GNAQ: variants seen among roughly 807,000 people sequenced by gnomAD.
GNAQ encodes the protein guanine nucleotide-binding protein G(q) subunit alpha.
Under a neutral mutation model 43.9 loss-of-function variants are expected in GNAQ, and 8 were observed. The ratio of observed to expected loss-of-function variants is 0.18; its 90% CI spans 0.11 to 0.33. The LOEUF is 0.33. Among genes scored for constraint, GNAQ ranks in the 10% least tolerant of loss-of-function variants. GNAQ has a pLI of 1.00. For synonymous variants in GNAQ, 155 were observed against 170.7 expected (o/e 0.91, Z 0.71); for missense variants, 158 against 450.8 (o/e 0.35, Z 5.88).
intron 1 of GNAQ, among the ~76,000 whole-genome samples, chr9:77,980,425 T>A (rs1156846067): frequency 6.6e-6 from 1 of 152,092 alleles, no homozygotes; most frequent in Non-Finnish European, 1.5e-5. Context: ...GTCATAAAAC[T>A]AAAGAAAATA....
At chr9:77,905,386 G>A (rs1244130868) in intron 2 of GNAQ, among the ~76,000 whole-genome samples, 1 of 152,174 alleles carries the variant, frequency 6.6e-6, no homozygotes, top group African/African-American at 2.4e-5. Context: ...CTGGATTAGA[G>A]TCTCTGGTGG....
intron 1 of GNAQ, among the ~76,000 whole-genome samples, chr9:77,948,871 C>G (rs1212947769): frequency 2.0e-5 from 3 of 152,114 alleles, no homozygotes; most frequent in Non-Finnish European, 4.4e-5. Context: ...GCATCTGCCC[C>G]TAGATACTTT....
intron 1 of GNAQ, among the ~76,000 whole-genome samples, chr9:77,997,643 A>T (rs1366323965): frequency 6.6e-6 from 1 of 152,150 alleles, no homozygotes; most frequent in Admixed American, 6.6e-5. Context: ...GGACCCAAGC[A>T]GGAGGCTGCT....
intron 1 of GNAQ, among the ~76,000 whole-genome samples, chr9:77,986,384 T>C (rs1408994418): frequency 6.6e-6 from 1 of 152,076 alleles, no homozygotes; most frequent in Non-Finnish European, 1.5e-5. Flanking sequence ...ACCAAAATAA[T>C]CTCTATAAAA....
chr9:78,028,120 T>A (rs1372455824), intron 1 of GNAQ, among the ~76,000 whole-genome samples: 1 of 152,188 alleles, frequency 6.6e-6, no homozygotes, highest in Non-Finnish European at 1.5e-5. Flanking sequence ...ATAAAAACAT[T>A]AACCAAGTTA....
chr9:77,881,863 C>A (rs1368794676), intron 2 of GNAQ, among the ~76,000 whole-genome samples: 12 of 152,192 alleles, frequency 7.9e-5, no homozygotes, highest in Non-Finnish European at 1.3e-4. Flanking sequence ...ATGGGCCGGG[C>A]ATGGTGGCCT....
chr9:77,761,948 C>A (rs1185912765), intron 5 of GNAQ, among the ~76,000 whole-genome samples: 2 of 22,974 alleles, frequency 8.7e-5, no homozygotes, highest in Admixed American at 4.2e-4. Context: ...GAGGGAGGTG[C>A]GGGGGTCAGC....
chr9:77,779,947 G>A (rs1199854463), intron 5 of GNAQ, among the ~76,000 whole-genome samples: 3 of 151,868 alleles, frequency 2.0e-5, no homozygotes, highest in African/African-American at 7.2e-5. Context: ...ACAGTAAACA[G>A]GCCCAGATGG....
At chr9:77,976,146 T>A (rs896375661) in intron 1 of GNAQ, among the ~76,000 whole-genome samples, 1 of 152,252 alleles carries the variant, frequency 6.6e-6, no homozygotes, top group African/African-American at 2.4e-5. Context: ...TTTTAACTTT[T>A]TGTCTTCCAC....
At chr9:77,897,323 A>T (rs1431672580) in intron 2 of GNAQ, among the ~76,000 whole-genome samples, 1 of 152,254 alleles carries the variant, frequency 6.6e-6, no homozygotes, top group Non-Finnish European at 1.5e-5. Flanking sequence ...TCTTAGTAAC[A>T]TGAATCCTTA....
chr9:77,747,835 C>T (rs748594372), intron 5 of GNAQ, among the ~76,000 whole-genome samples: 1 of 152,208 alleles, frequency 6.6e-6, no homozygotes, highest in African/African-American at 2.4e-5. Context: ...ATCTGCTCTG[C>T]GCTAGGTGCT....
chr9:77,901,231 T>C (rs1828611294), intron 2 of GNAQ, among the ~76,000 whole-genome samples: 1 of 152,162 alleles, frequency 6.6e-6, no homozygotes, highest in Non-Finnish European at 1.5e-5. Context: ...CTATCACATC[T>C]GTTTCCTGCC....
intron 1 of GNAQ, among the ~76,000 whole-genome samples, chr9:77,973,279 T>C (rs1341755101): frequency 6.6e-6 from 1 of 152,190 alleles, no homozygotes; most frequent in Non-Finnish European, 1.5e-5. Flanking sequence ...CTGAGCTACC[T>C]GGCTCTACTG....
chr9:77,910,427 A>C (rs1052930365), intron 2 of GNAQ, among the ~76,000 whole-genome samples: 2 of 152,224 alleles, frequency 1.3e-5, no homozygotes, highest in Non-Finnish European at 2.9e-5. Context: ...CTTTGCCAGG[A>C]GTTAACCAAG....
intron 2 of GNAQ, among the ~76,000 whole-genome samples, chr9:77,856,577 T>C (rs1827759070): frequency 6.6e-6 from 1 of 152,172 alleles, no homozygotes; most frequent in South Asian, 2.1e-4. Flanking sequence ...ATGGAGATCC[T>C]CTTAAGGAGA....
chr9:77,815,817 A>G, intron 2 of GNAQ, 47 bp from the exon 3 acceptor site: 1 of 1,403,238 alleles, frequency 7.1e-7, no homozygotes, highest in Non-Finnish European at 9.9e-7. Flanking sequence ...TACTTTCCAA[A>G]TTTTCTTTGC....
chr9:77,831,154 A>G (rs1428667348), intron 2 of GNAQ, among the ~76,000 whole-genome samples: 4 of 152,250 alleles, frequency 2.6e-5, no homozygotes, highest in African/African-American at 9.6e-5. Flanking sequence ...AGACATTAAA[A>G]GTAAGTAGTG....
chr9:77,993,481 G>A (rs940169036), intron 1 of GNAQ, among the ~76,000 whole-genome samples: 25 of 152,162 alleles, frequency 1.6e-4, no homozygotes, highest in African/African-American at 5.3e-4. Context: ...GGCAGATCAC[G>A]AGGTCAGAAG....
At chr9:77,945,133 C>T (rs1478684661) in intron 1 of GNAQ, among the ~76,000 whole-genome samples, 2 of 152,160 alleles carry the variant, frequency 1.3e-5, no homozygotes, top group Non-Finnish European at 2.9e-5. Context: ...TAGAAAAACA[C>T]ATCGCAAAGC....
Sources: gnomAD v4.1 joint callset for allele counts (sites outside exome capture counted in the v4.1 genomes callset) on GRCh38, gnomAD v4.1.1 for gene constraint, MANE v1.5 for transcripts, NCBI Gene and HGNC (gene_info 2026-07-23, HGNC 2026-07-21) for gene names.